The following MCC variants were observed in gnomAD, a reference collection of about 807,000 sequenced individuals.
The protein encoded by MCC is MCC regulator of Wnt signaling pathway.
Under a neutral mutation model 116.2 loss-of-function variants are expected in MCC, and 90 were observed. The ratio of observed to expected loss-of-function variants is 0.77; its 90% confidence interval spans 0.65 to 0.92. The LOEUF is 0.92. Ranked by LOEUF, MCC falls within the 40% of genes least tolerant of loss-of-function variation. The pLI is 0.00. For missense variants in MCC, 1,516 were observed against 1,312.2 expected (o/e 1.16, Z -2.40); for synonymous variants, 578 against 510.5 (o/e 1.13, Z -1.78).
At chr5:113,485,008 T>C (rs982493643) in intron 1 of MCC, among the ~76,000 whole-genome samples, 1 of 152,204 alleles carries the variant, frequency 6.6e-6, no homozygotes, top group Non-Finnish European at 1.5e-5. Context: ...CATAGCTTTC[T>C]GTTCTACCTT....
At chr5:113,311,358 C>A (rs1293814045) in intron 3 of MCC, among the ~76,000 whole-genome samples, 1 of 152,158 alleles carries the variant, frequency 6.6e-6, no homozygotes. Context: ...AGGAGTCTGT[C>A]ATGTTTCCTC....
Position 113,291,455 on chromosome 5 carries a change from G to A in MCC, c.627+49064C>T, listed in dbSNP as rs1171643805. 2.6e-5 allele frequency among the ~76,000 whole-genome samples: 4 copies of A among 152,312 alleles called. No homozygotes were observed. In the East Asian group the frequency reaches 7.7e-4, roughly 29 times the overall value. On this transcript the variant is annotated intron_variant, in intron 3 of 18. Transcript: ENST00000408903. ...AAAGAGTCAATGACTTCTGTGGCTA[G>A]GGGACCCTTACAGAAGGAGTAAGCC...
intron 6 of MCC, among the ~76,000 whole-genome samples, chr5:113,115,189 G>A (rs1320877027): frequency 6.6e-6 from 1 of 152,154 alleles, no homozygotes; most frequent in Non-Finnish European, 1.5e-5. Flanking sequence ...ACACTCACCT[G>A]TGTGCTCCTC....
intron 1 of MCC, among the ~76,000 whole-genome samples, chr5:113,418,926 A>C (rs1002566709): frequency 1.3e-5 from 2 of 152,174 alleles, no homozygotes; most frequent in African/African-American, 4.8e-5. Flanking sequence ...CCAGAACATC[A>C]CAAAAGGCAC....
chr5:113,420,133 G>A (rs1214866964), intron 1 of MCC, among the ~76,000 whole-genome samples: 1 of 121,444 alleles, frequency 8.2e-6, no homozygotes, highest in East Asian at 2.3e-4. Flanking sequence ...TTGTGCCAAA[G>A]TTTACTTAAA....
Position 113,488,327 on chromosome 5 carries a change from C to CGCT in MCC, c.85_87dup (p.Ser29dup), listed in dbSNP as rs577989080. ...TCCTCCTCGCCGGTGCTGGACGTGTCGCTGCTGCTGCTGCTGCTGCCGCTG... is the reference window on the plus strand; with the variant it reads ...TCCTCCTCGCCGGTGCTGGACGTGTCGCTGCTGCTGCTGCTGCTGCTGCCGCTG... On this transcript the variant is annotated inframe_insertion, in exon 1 of 19. Transcript: ENST00000408903. 1.9e-3 allele frequency: 2,934 copies of CGCT among 1,519,398 alleles called. 42 individuals are homozygous for CGCT. The African/African-American group carries it at 0.036, about 18-fold the overall frequency. 94.1% of individuals were successfully genotyped at this position (1,519,398 alleles called of 1,614,324 possible). A position where few individuals can be genotyped will look rare whatever the true frequency, so the allele number is the denominator to read the frequency against.
chr5:113,087,397 A>G lies in MCC; in HGVS notation c.1399-2087T>C, dbSNP rs373663697. ...CACAGGGCTAAACTCAAAATAGCCT[A>G]AAGAATAGGAAAATATATCCCTGTA... On this transcript the variant is annotated intron_variant, in intron 8 of 18. Coordinates refer to ENST00000408903, the MANE Select transcript of MCC (RefSeq NM_001085377.2). Among the ~76,000 whole-genome samples, 93 of 152,334 alleles carry G rather than the reference A, an allele frequency of 6.1e-4. 2 individuals are homozygous for G. The Middle Eastern group carries it at 0.014, about 22-fold the overall frequency.
chr5:113,223,593 G>A (rs1763627752), intron 3 of MCC, among the ~76,000 whole-genome samples: 2 of 152,198 alleles, frequency 1.3e-5, no homozygotes, highest in African/African-American at 2.4e-5. Context: ...TGGAAAGGAA[G>A]AGAGGCTACT....
At chr5:113,039,284 A>C (rs1751526003) in intron 17 of MCC, among the ~76,000 whole-genome samples, 1 of 152,200 alleles carries the variant, frequency 6.6e-6, no homozygotes, top group Non-Finnish European at 1.5e-5. Context: ...ACTGGCCTCC[A>C]GGGATGCTCC....
intron 1 of MCC, among the ~76,000 whole-genome samples, chr5:113,454,771 A>G (rs1027382309): frequency 1.3e-5 from 2 of 152,214 alleles, no homozygotes; most frequent in African/African-American, 4.8e-5. Flanking sequence ...ATGAATACAC[A>G]TATACATCTT....
chr5:113,412,976 A>C (rs1770034951), intron 1 of MCC, among the ~76,000 whole-genome samples: 1 of 152,188 alleles, frequency 6.6e-6, no homozygotes, highest in South Asian at 2.1e-4. Flanking sequence ...AGTTTTTAGC[A>C]TGAAGAGTTG....
intron 3 of MCC, among the ~76,000 whole-genome samples, chr5:113,242,489 A>G (rs929743154): frequency 1.3e-5 from 2 of 152,366 alleles, no homozygotes; most frequent in South Asian, 4.1e-4. Context: ...TTCACATTTA[A>G]AAACAACTAC....
chr5:113,459,825 A>AACACACAC (rs5870543), intron 1 of MCC, among the ~76,000 whole-genome samples: 6,918 of 147,548 alleles, frequency 0.047, 396 homozygotes, highest in African/African-American at 0.13. Context: ...CGCTATGGAA[A>AACACACAC]ACACACACAC....
chr5:113,079,829 C>G (rs1157168089), intron 11 of MCC, among the ~76,000 whole-genome samples: 1 of 152,212 alleles, frequency 6.6e-6, no homozygotes, highest in Non-Finnish European at 1.5e-5. Flanking sequence ...AACTAAAGAG[C>G]TTCTGCACAG....
chr5:113,024,605 T>C lies in MCC; in HGVS notation c.*2697A>G, dbSNP rs902516391. 2 of 152,200 alleles carry C rather than the reference T, an allele frequency of 1.3e-5. No homozygotes were observed. The highest frequency in any genetic ancestry group is 6.5e-5 in the Admixed American group (1 of 15,292). The allele number at this position is 152,200 out of a possible 1,614,324, so 9.4% of individuals were successfully genotyped here. A position where few individuals can be genotyped will look rare whatever the true frequency, so the allele number is the denominator to read the frequency against. On this transcript the variant is annotated 3_prime_UTR_variant, in exon 19 of 19. Coordinates refer to ENST00000408903, the MANE Select transcript of MCC (RefSeq NM_001085377.2). ...AGGGAGAACAATTCAAAATACGAAA[T>C]CTGAAGGTTTTTAACCTCATATAAA...
Position 113,049,294 on chromosome 5 carries a change from C to G in MCC, c.2454G>C (p.Glu818Asp). ...LMQELMAMKE[E>D]MAELKAQLYL... is the part of the protein sequence containing the mutation. Reference sequence around the variant, plus strand: ...AGAGCTGGGCCTTCAACTCGGCCATCTCCTCCTACAGACAAAGGAGCACAG... The same window carrying G: ...AGAGCTGGGCCTTCAACTCGGCCATGTCCTCCTACAGACAAAGGAGCACAG... Residue 818 changes from glutamate (E) to aspartate (D), a missense_variant, in exon 16 of 19, where the codon GAG (glutamate) becomes GAC (aspartate). By Grantham distance (45) the Glu-to-Asp change is conservative (BLOSUM62 2). Transcript: ENST00000408903. The G allele has an allele frequency of 6.3e-7, 1 of 1,589,056 alleles. No homozygotes were observed. The highest frequency in any genetic ancestry group is 8.6e-7 in the Non-Finnish European group (1 of 1,166,694).
At chr5:113,068,759 C>A (rs780401969) in intron 12 of MCC, among the ~76,000 whole-genome samples, 21 of 152,212 alleles carry the variant, frequency 1.4e-4, no homozygotes, top group Non-Finnish European at 2.4e-4. Flanking sequence ...ATGACTAAGG[C>A]CTCCAGCCAA....
At chr5:113,371,095 C>T (rs1768827309) in intron 2 of MCC, among the ~76,000 whole-genome samples, 1 of 152,136 alleles carries the variant, frequency 6.6e-6, no homozygotes, top group Non-Finnish European at 1.5e-5. Flanking sequence ...GTGGCGCATG[C>T]CTGGAATCCC....
intron 6 of MCC, among the ~76,000 whole-genome samples, chr5:113,111,217 C>T (rs184151206): frequency 8.2e-4 from 125 of 152,280 alleles, no homozygotes; most frequent in African/African-American, 2.7e-3. Context: ...ATAACATAGA[C>T]GAGGAGGGAA....
Sources: gnomAD v4.1 joint callset for allele counts (sites outside exome capture counted in the v4.1 genomes callset) on GRCh38, gnomAD v4.1.1 for gene constraint, MANE v1.5 for transcripts, NCBI Gene and HGNC (gene_info 2026-07-23, HGNC 2026-07-21) for gene names.